The following CACNB4 variants were observed in gnomAD, a reference collection of about 807,000 sequenced individuals.
The protein encoded by CACNB4 is calcium voltage-gated channel auxiliary subunit beta 4, also known as voltage-dependent L-type calcium channel subunit beta-4.
Under a neutral mutation model 71.2 loss-of-function variants are expected in CACNB4, and 32 were observed. The observed-to-expected ratio is 0.45, with a 90% CI of 0.34 to 0.60. The LOEUF is 0.60. CACNB4 is among the 20% of genes least tolerant of loss of function. CACNB4 has a pLI of 0.01. For synonymous variants in CACNB4, 231 were observed against 236.9 expected, an observed-to-expected ratio of 0.97 and a Z score of 0.23; for missense variants, 464 against 647.9, an observed-to-expected ratio of 0.72 and a Z score of 3.08.
At chr2:152,019,070 T>A (rs1412263015) in intron 2 of CACNB4, among the ~76,000 whole-genome samples, 3 of 152,144 alleles carry the variant, frequency 2.0e-5, no homozygotes, top group Non-Finnish European at 4.4e-5. Context: ...CCTCTGCTGC[T>A]TGGAAAATGT....
chr2:151,943,313 T>C (rs558502584), intron 2 of CACNB4, among the ~76,000 whole-genome samples: 124 of 152,336 alleles, frequency 8.1e-4, no homozygotes, highest in Admixed American at 3.7e-3. Flanking sequence ...GGTTCTGAAA[T>C]GTGTTCTGCC....
chr2:152,057,046 G>A (rs184210859), intron 2 of CACNB4, among the ~76,000 whole-genome samples: 3 of 152,180 alleles, frequency 2.0e-5, no homozygotes, highest in Admixed American at 6.5e-5. Flanking sequence ...CGGCAACATT[G>A]AGGGATGTCA....
intron 2 of CACNB4, among the ~76,000 whole-genome samples, chr2:151,978,812 G>A (rs918506861): frequency 9.9e-5 from 15 of 152,074 alleles, no homozygotes; most frequent in Non-Finnish European, 1.3e-4. Flanking sequence ...GGTCTCAGCC[G>A]CCAGAGCTGA....
intron 5 of CACNB4, chr2:151,873,333 A>G (rs553545828): frequency 6.6e-6 from 1 of 152,354 alleles, no homozygotes; most frequent in African/African-American, 2.4e-5. Context: ...GGAAATTTGC[A>G]CTATATACTT....
chr2:151,835,353 A>G lies in CACNB4; in HGVS notation c.*3766T>C, dbSNP rs1403660326. 6.6e-6 allele frequency: 1 copy of G among 151,958 alleles called. No homozygotes were observed. Among genetic ancestry groups the G allele is most frequent in the African/African-American group, 2.4e-5 (1 of 41,444 alleles). The allele number at this position is 151,958 out of a possible 1,614,324, so 9.4% of individuals were successfully genotyped here. A position where few individuals can be genotyped will look rare whatever the true frequency, so the allele number is the denominator to read the frequency against. On this transcript the variant is annotated 3_prime_UTR_variant, in exon 14 of 14. Coordinates refer to ENST00000539935, the MANE Select transcript of CACNB4 (RefSeq NM_000726.5). ...ACAGTTTAAAATCTAAAGGGAAGGCATATTTTAATAATCTATGTATTTAGC... is the reference window on the plus strand; with the variant it reads ...ACAGTTTAAAATCTAAAGGGAAGGCGTATTTTAATAATCTATGTATTTAGC...
intron 8 of CACNB4, chr2:151,870,212 A>G: frequency 2.9e-6 from 2 of 696,900 alleles, no homozygotes; most frequent in Non-Finnish European, 5.2e-6. Context: ...TTCTAATAAT[A>G]ATGAGAATGG....
At chr2:152,081,387 G>A (rs1337849905) in intron 2 of CACNB4, among the ~76,000 whole-genome samples, 1 of 152,086 alleles carries the variant, frequency 6.6e-6, no homozygotes, top group South Asian at 2.1e-4. Flanking sequence ...GGCTCAGCGT[G>A]CATGCCTGTA....
intron 2 of CACNB4, among the ~76,000 whole-genome samples, chr2:152,052,910 A>G (rs1428843779): frequency 2.0e-5 from 3 of 151,810 alleles, no homozygotes; most frequent in Non-Finnish European, 2.9e-5. Context: ...TGAACCCGGG[A>G]GATGGAGGTT....
At chr2:151,908,432 G>C (rs1010809972) in intron 2 of CACNB4, among the ~76,000 whole-genome samples, 2 of 152,186 alleles carry the variant, frequency 1.3e-5, no homozygotes, top group Non-Finnish European at 2.9e-5. Flanking sequence ...GCCAATCAGG[G>C]TACCTGAACA....
intron 12 of CACNB4, chr2:151,850,141 CTTTT>C (rs750436136): frequency 1.0e-3 from 99 of 98,156 alleles, no homozygotes; most frequent in African/African-American, 4.3e-3. Flanking sequence ...TTCTTTCTTT[CTTTT>C]TTTTTTTTTT....
chr2:151,958,377 G>A (rs540612975), intron 2 of CACNB4, among the ~76,000 whole-genome samples: 4 of 152,242 alleles, frequency 2.6e-5, no homozygotes, highest in African/African-American at 9.6e-5. Flanking sequence ...TGTCTAGAAC[G>A]AAACTATTTC....
At chr2:152,005,989 CCT>C (rs1682702772) in intron 2 of CACNB4, among the ~76,000 whole-genome samples, 1 of 152,228 alleles carries the variant, frequency 6.6e-6, no homozygotes, top group Non-Finnish European at 1.5e-5. Flanking sequence ...TTCTACTCCA[CCT>C]GTCTTTGTCA....
chr2:152,016,480 A>G (rs1579133729), intron 2 of CACNB4, among the ~76,000 whole-genome samples: 5 of 152,340 alleles, frequency 3.3e-5, no homozygotes, highest in Admixed American at 3.3e-4. Flanking sequence ...ACTTAAAACA[A>G]AGCCACTACT....
intron 2 of CACNB4, among the ~76,000 whole-genome samples, chr2:152,008,264 CT>C (rs926183849): frequency 2.6e-5 from 4 of 151,790 alleles, no homozygotes; most frequent in African/African-American, 7.3e-5. Context: ...TTGCAATTTA[CT>C]TTTACTCCCT....
chr2:151,962,549 G>A (rs1223100969), intron 2 of CACNB4, among the ~76,000 whole-genome samples: 1 of 152,226 alleles, frequency 6.6e-6, no homozygotes, highest in African/African-American at 2.4e-5. Flanking sequence ...GAGAAAGGCA[G>A]AGAATAAAAA....
At chr2:152,029,508 A>AAG (rs1553815868) in intron 2 of CACNB4, among the ~76,000 whole-genome samples, 16 of 19,176 alleles carry the variant, frequency 8.3e-4, no homozygotes, top group Middle Eastern at 0.029. Context: ...AAAAAAAAAA[A>AAG]AAAGAAAAGA....
chr2:152,044,685 T>C (rs2105262697), intron 2 of CACNB4, among the ~76,000 whole-genome samples: 1 of 152,310 alleles, frequency 6.6e-6, no homozygotes, highest in South Asian at 2.1e-4. Flanking sequence ...TGTCCAATAT[T>C]TTCCATCCCA....
chr2:151,928,291 C>T (rs1267395173), intron 2 of CACNB4, among the ~76,000 whole-genome samples: 1 of 152,184 alleles, frequency 6.6e-6, no homozygotes, highest in Non-Finnish European at 1.5e-5. Context: ...TTGATGCTCC[C>T]TTTTACAGCG....
At chr2:152,083,354 G>A (rs112525463) in intron 2 of CACNB4, among the ~76,000 whole-genome samples, 15 of 150,642 alleles carry the variant, frequency 1.0e-4, no homozygotes, top group African/African-American at 2.2e-4. Flanking sequence ...GGAAGGAAGG[G>A]AGGAAGGAAG....
Sources: allele counts gnomAD v4.1 joint callset (sites outside exome capture counted in the v4.1 genomes callset), GRCh38; gene constraint gnomAD v4.1.1; transcripts MANE v1.5; gene names NCBI Gene and HGNC (gene_info 2026-07-23, HGNC 2026-07-21).